Variants in ATXN3 observed in about 807,000 individuals in gnomAD.
The protein encoded by ATXN3 is ataxin-3.
A neutral mutation model predicts 58.2 loss-of-function variants in ATXN3; 28 were observed. The observed-to-expected ratio is 0.48, with a 90% CI of 0.36 to 0.66. ATXN3 has a LOEUF of 0.66. ATXN3 is among the 30% of genes least tolerant of loss of function. ATXN3 has a pLI of 0.00. For missense variants in ATXN3, 321 were observed against 422.1 expected (o/e 0.76, Z 2.10); for synonymous variants, 113 against 138.5 (o/e 0.82, Z 1.29).
chr14:92,092,686 T>G (rs1290649976), intron 5 of ATXN3, among the ~76,000 whole-genome samples: 1 of 152,092 alleles, frequency 6.6e-6, no homozygotes, highest in Non-Finnish European at 1.5e-5. Flanking sequence ...TATGATATAG[T>G]TAAATTGCAT....
intron 8 of ATXN3, among the ~76,000 whole-genome samples, chr14:92,081,773 G>T (rs2061526766): frequency 6.6e-6 from 1 of 152,116 alleles, no homozygotes; most frequent in African/African-American, 2.4e-5. Context: ...TTTTAATTAA[G>T]CTACTTTGAG....
intron 4 of ATXN3, 123 bp from the exon 5 acceptor site, chr14:92,093,441 TG>T: frequency 3.1e-6 from 2 of 650,992 alleles, no homozygotes; most frequent in Non-Finnish European, 5.3e-6. Flanking sequence ...GTGTCACTGA[TG>T]TTTTTAAAAG....
At chr14:92,083,873 G>C (rs2061914345) in intron 6 of ATXN3, among the ~76,000 whole-genome samples, 1 of 152,212 alleles carries the variant, frequency 6.6e-6, no homozygotes. Context: ...AGCTCAGCTA[G>C]AATAAAGCAG....
At position 92,085,618 on chromosome 14, in the gene ATXN3, C is replaced by G. The variant is rs534404823; in HGVS notation, c.476-2360G>C. Among the ~76,000 whole-genome samples, 16 of 152,200 alleles carry G rather than the reference C, an allele frequency of 1.1e-4. No individual in the cohort carries two copies. The South Asian group carries it at 2.3e-3, about 22-fold the overall frequency. ...GCTCTGTCGGTATAATATATAGGAA[C>G]CAGAGTACAAGAGTCACCCTTATGG... On this transcript the variant is annotated intron_variant, in intron 6 of 10. Coordinates refer to ENST00000644486, the MANE Select transcript of ATXN3 (RefSeq NM_004993.6).
At chr14:92,047,796 A>G (rs539495707) in intron 2 of ATXN3, 2 of 152,302 alleles carry the variant, frequency 1.3e-5, no homozygotes, top group African/African-American at 2.4e-5. Context: ...CTGGCCATCA[A>G]TACCCACAAC....
chr14:92,100,107 T>C (rs926821388), intron 1 of ATXN3, among the ~76,000 whole-genome samples: 3 of 152,130 alleles, frequency 2.0e-5, no homozygotes, highest in Non-Finnish European at 2.9e-5. Context: ...GTACACAAAC[T>C]CTAAAATGGC....
intron 6 of ATXN3, among the ~76,000 whole-genome samples, chr14:92,086,514 G>A (rs555254511): frequency 5.9e-4 from 86 of 146,600 alleles, no homozygotes; most frequent in African/African-American, 2.1e-3. Context: ...ACGGTGAGCC[G>A]AGATCACGCC....
chr14:92,073,889 T>G (rs534476352), intron 9 of ATXN3, among the ~76,000 whole-genome samples: 1 of 151,682 alleles, frequency 6.6e-6, no homozygotes, highest in Non-Finnish European at 1.5e-5. Flanking sequence ...GCTACACACC[T>G]GTAGTCCCAG....
intron 2 of ATXN3, chr14:92,096,426 C>T: frequency 1.2e-6 from 1 of 860,852 alleles, no homozygotes; most frequent in Non-Finnish European, 1.7e-6. Flanking sequence ...AGTTTGAGAC[C>T]AACCTGACCA....
intron 6 of ATXN3, among the ~76,000 whole-genome samples, chr14:92,084,762 G>A (rs1487797179): frequency 6.6e-6 from 1 of 151,640 alleles, no homozygotes; most frequent in Non-Finnish European, 1.5e-5. Context: ...GTATTTTTAG[G>A]AGAGGCAGGG....
At chr14:92,106,431 C>G in intron 1 of ATXN3, 98 bp downstream of exon 1, 1 of 1,502,154 alleles carries the variant, frequency 6.7e-7, no homozygotes, top group Non-Finnish European at 9.2e-7. Flanking sequence ...GGCATGGGGG[C>G]GACTCGGGCC....
At chr14:92,093,186 C>T in intron 5 of ATXN3, 66 bp downstream of exon 5, 1 of 1,115,196 alleles carries the variant, frequency 9.0e-7, no homozygotes, top group Non-Finnish European at 1.3e-6. Context: ...CACACCTGGC[C>T]CACATTTTAG....
chr14:92,076,108 C>T (rs537578893), intron 9 of ATXN3, among the ~76,000 whole-genome samples: 40 of 152,252 alleles, frequency 2.6e-4, no homozygotes, highest in Admixed American at 2.5e-3. Context: ...CTTGTTATAA[C>T]TTACTTAGTC....
intron 1 of ATXN3, among the ~76,000 whole-genome samples, chr14:92,101,462 C>T (rs897257881): frequency 9.2e-5 from 14 of 152,176 alleles, no homozygotes; most frequent in African/African-American, 3.1e-4. Context: ...ATGCATTTTC[C>T]TGCCTTGCCC....
chr14:92,076,554 T>TA (rs1187325822), intron 9 of ATXN3, among the ~76,000 whole-genome samples: 2 of 152,148 alleles, frequency 1.3e-5, no homozygotes, highest in African/African-American at 4.8e-5. Flanking sequence ...TTTTATGCTT[T>TA]AAATATACTT....
At chr14:92,064,598 C>CA (rs1331116320) in intron 10 of ATXN3, among the ~76,000 whole-genome samples, 184 bp from the exon 11 acceptor site, 1 of 152,172 alleles carries the variant, frequency 6.6e-6, no homozygotes, top group Non-Finnish European at 1.5e-5. Flanking sequence ...TCAAGATACA[C>CA]AACCATTCCA....
At chr14:92,100,639 A>G (rs2402110) in intron 1 of ATXN3, among the ~76,000 whole-genome samples, 44,120 of 152,028 alleles carry the variant, frequency 0.29, 6,645 homozygotes, top group Admixed American at 0.38. Flanking sequence ...TACACTGTAC[A>G]CTTCCAGTCA....
chr14:92,084,843 G>C (rs746232891), intron 6 of ATXN3, among the ~76,000 whole-genome samples: 1 of 152,096 alleles, frequency 6.6e-6, no homozygotes, highest in Non-Finnish European at 1.5e-5. Flanking sequence ...GCCTCCCAAA[G>C]TGCTGGGATT....
At chr14:92,096,623 CAAAAAAAAA>C (rs376966269) in intron 2 of ATXN3, 42 bp downstream of exon 2, 2 of 1,244,382 alleles carry the variant, frequency 1.6e-6, no homozygotes, top group Non-Finnish European at 2.1e-6. Context: ...GACTCCGTCT[CAAAAAAAAA>C]AAAAAAAAAG....
Sources: gnomAD v4.1 joint callset for allele counts (sites outside exome capture counted in the v4.1 genomes callset) on GRCh38, gnomAD v4.1.1 for gene constraint, MANE v1.5 for transcripts, NCBI Gene and HGNC (gene_info 2026-07-23, HGNC 2026-07-21) for gene names.